Variants in COL19A1 observed in about 807,000 individuals in gnomAD.
COL19A1 encodes the protein collagen alpha-1(XIX) chain.
COL19A1 carries 159 observed loss-of-function variants against 190.2 expected under a neutral mutation model. The observed-to-expected ratio is 0.84, with a 90% CI of 0.73 to 0.95. The LOEUF (loss-of-function observed/expected upper bound fraction) is 0.95. Ranked by LOEUF, COL19A1 falls within the 40% of genes least tolerant of loss-of-function variation. The probability of loss-of-function intolerance (pLI) is 0.00; values close to 1 mark genes in which losing one functional copy is unlikely to be tolerated. For missense variants in COL19A1, 1,418 were observed against 1,431.9 expected (o/e 0.99, Z 0.16); for synonymous variants, 509 against 458.9 (o/e 1.11, Z -1.39).
intron 2 of COL19A1, among the ~76,000 whole-genome samples, chr6:69,898,562 A>C (rs1769949115): frequency 6.6e-6 from 1 of 152,198 alleles, no homozygotes; most frequent in Non-Finnish European, 1.5e-5. Context: ...AGCCAACACC[A>C]AAACTTGAAT....
chr6:69,867,666 G>A (rs1767559392), intron 1 of COL19A1: 1 of 152,354 alleles, frequency 6.6e-6, no homozygotes, highest in Non-Finnish European at 1.5e-5. Context: ...AGGTTACGGA[G>A]GGAGCGGGAA....
rs113831087 is a variant in COL19A1 at position 69,946,828 on chromosome 6, T to C, written c.936+8728T>C. Among the ~76,000 whole-genome samples the C allele has an allele frequency of 2.3e-3, 352 of 151,984 alleles. 2 individuals carry two copies. Among genetic ancestry groups the C allele is most frequent in the African/African-American group, 8.1e-3 (336 of 41,500 alleles). Reference sequence around the variant, plus strand: ...TTTTATAAAGCTGTATCAGATAGGATAGGAAAATATACAGAACAAGTCCTA... The same window carrying C: ...TTTTATAAAGCTGTATCAGATAGGACAGGAAAATATACAGAACAAGTCCTA... On this transcript the variant is annotated intron_variant, in intron 9 of 50. Transcript: ENST00000620364.
In COL19A1 at chr6:70,184,879, G is replaced by T. The variant is rs1238011698; in HGVS notation, c.2820G>T (p.Met940Ile). 6.2e-7 allele frequency: 1 copy of T among 1,613,192 alleles called. No homozygotes were observed. Among genetic ancestry groups the T allele is most frequent in the South Asian group, 1.1e-5 (1 of 90,966 alleles). ...KDGIPGAQGIMGKPGDRGPKG... is the reference protein window; with the variant it reads ...KDGIPGAQGIIGKPGDRGPKG... Reference sequence around the variant, plus strand: ...TGACATCTGTTTTTCAGGGCATCATGGGTAAGCCTGGAGACAGAGGCCCCA... The same window carrying T: ...TGACATCTGTTTTTCAGGGCATCATTGGTAAGCCTGGAGACAGAGGCCCCA... Residue 940 changes from methionine to isoleucine, a missense_variant, in exon 46 of 51, where the codon ATG (methionine) becomes ATT (isoleucine). Coordinates refer to ENST00000620364, the MANE Select transcript of COL19A1 (RefSeq NM_001858.6).
intron 9 of COL19A1, among the ~76,000 whole-genome samples, chr6:69,950,445 C>T (rs796129967): frequency 2.4e-4 from 36 of 151,690 alleles, no homozygotes; most frequent in African/African-American, 8.5e-4. Context: ...AATAACTGTC[C>T]CCTTTACATT....
At chr6:69,869,631 T>C (rs906350092) in intron 1 of COL19A1, among the ~76,000 whole-genome samples, 1 of 152,218 alleles carries the variant, frequency 6.6e-6, no homozygotes, top group African/African-American at 2.4e-5. Context: ...ATTGGATCAT[T>C]GATATAGATA....
intron 42 of COL19A1, among the ~76,000 whole-genome samples, chr6:70,176,894 G>T (rs1358879352): frequency 6.6e-6 from 1 of 152,168 alleles, no homozygotes. Flanking sequence ...CATATTTCAA[G>T]GTTTCTCAGT....
chr6:69,881,408 CTT>C (rs1333207416), intron 2 of COL19A1, among the ~76,000 whole-genome samples: 5 of 151,840 alleles, frequency 3.3e-5, no homozygotes, highest in South Asian at 2.1e-4. Flanking sequence ...AGTCTGCCCT[CTT>C]AACAAATTTT....
chr6:70,205,006 A>C (rs1007736072), intron 49 of COL19A1, among the ~76,000 whole-genome samples: 2 of 152,182 alleles, frequency 1.3e-5, no homozygotes, highest in African/African-American at 4.8e-5. Flanking sequence ...AAATCCTGGA[A>C]ACATTTTAAA....
chr6:70,090,362 A>G (rs1246754914), intron 15 of COL19A1, among the ~76,000 whole-genome samples: 3 of 152,194 alleles, frequency 2.0e-5, no homozygotes, highest in Non-Finnish European at 2.9e-5. Flanking sequence ...CCCAAACATT[A>G]CAATATAACA....
At chr6:70,002,265 G>A (rs999769995) in intron 11 of COL19A1, among the ~76,000 whole-genome samples, 2 of 152,178 alleles carry the variant, frequency 1.3e-5, no homozygotes, top group Admixed American at 1.3e-4. Context: ...GATTCGGTTT[G>A]CCAGTATTTT....
chr6:69,905,858 G>A (rs796560112), intron 4 of COL19A1, among the ~76,000 whole-genome samples: 39 of 152,192 alleles, frequency 2.6e-4, no homozygotes, highest in African/African-American at 9.2e-4. Flanking sequence ...AGTATTTGGG[G>A]GCTTTAGAAG....
chr6:69,965,716 C>T (rs780370240), intron 11 of COL19A1, among the ~76,000 whole-genome samples: 3 of 152,190 alleles, frequency 2.0e-5, no homozygotes, highest in Non-Finnish European at 4.4e-5. Flanking sequence ...ACATGACTCT[C>T]TCAGATGACA....
chr6:70,098,631 A>G, intron 15 of COL19A1: 1 of 374,204 alleles, frequency 2.7e-6, no homozygotes. Context: ...TGGTGGCACA[A>G]TGTGTGCGTC....
intron 11 of COL19A1, among the ~76,000 whole-genome samples, chr6:70,006,108 G>A (rs1777607058): frequency 6.6e-6 from 1 of 152,168 alleles, no homozygotes; most frequent in South Asian, 2.1e-4. Context: ...GCAGTTGTGA[G>A]TCCCAGTGCT....
chr6:69,921,326 T>A lies in COL19A1; in HGVS notation c.267-6583T>A, dbSNP rs531566135. 2.6e-3 allele frequency among the ~76,000 whole-genome samples: 342 copies of A among 131,530 alleles called. 1 individual carries two copies. The highest frequency in any genetic ancestry group is 0.023 in the Middle Eastern group (2 of 86). 86.3% of individuals were successfully genotyped at this position (131,530 alleles called of 152,430 possible). ...ATATATCATATATCATATAATCATA[T>A]ATCATATATCTATATATATCATATA... On this transcript the variant is annotated intron_variant, in intron 4 of 50. Transcript: ENST00000620364.
Position 69,937,324 on chromosome 6 carries a change from C to T in COL19A1, c.873+414C>T, listed in dbSNP as rs76948866. On this transcript the variant is annotated intron_variant, in intron 8 of 50. Transcript: ENST00000620364. ...TTTTTCTGTATAGACTGTGTTTTTC[C>T]AGCATCCCTAAATTTTCAACTGGCT... Among the ~76,000 whole-genome samples the T allele has an allele frequency of 5.5e-3, 836 of 152,190 alleles. 19 individuals carry two copies. The East Asian group carries it at 0.069, about 13-fold the overall frequency.
intron 1 of COL19A1, among the ~76,000 whole-genome samples, chr6:69,875,497 G>A (rs1016262748): frequency 8.5e-5 from 13 of 152,168 alleles, no homozygotes; most frequent in African/African-American, 2.7e-4. Context: ...GCTGTTGAGG[G>A]GTCTAGACCA....
intron 42 of COL19A1, among the ~76,000 whole-genome samples, 175 bp downstream of exon 42, chr6:70,176,739 C>G (rs36016706): frequency 0.021 from 3,139 of 152,260 alleles, 47 homozygotes; most frequent in Non-Finnish European, 0.031. Context: ...CTCCACAATC[C>G]TCTATTTCTT....
intron 11 of COL19A1, among the ~76,000 whole-genome samples, chr6:69,979,131 A>G (rs1775893660): frequency 6.6e-6 from 1 of 151,992 alleles, no homozygotes; most frequent in African/African-American, 2.4e-5. Context: ...GTTTTTCAGC[A>G]GGGTTTTATG....
Sources: gnomAD v4.1 joint callset for allele counts (sites outside exome capture counted in the v4.1 genomes callset) on GRCh38, gnomAD v4.1.1 for gene constraint, MANE v1.5 for transcripts, NCBI Gene and HGNC (gene_info 2026-07-23, HGNC 2026-07-21) for gene names.